The following KMT2A variants were observed in gnomAD, a reference collection of about 807,000 sequenced individuals.
KMT2A encodes histone-lysine N-methyltransferase 2A.
Under a neutral mutation model 345.3 loss-of-function variants are expected in KMT2A, and 16 were observed. That is an observed-to-expected ratio of 0.05 (90% CI 0.03 to 0.07). KMT2A has a LOEUF of 0.07. Ranked by LOEUF, KMT2A falls within the 10% of genes least tolerant of loss-of-function variation. The pLI is 1.00. For synonymous variants in KMT2A, 1,599 were observed against 1,778.6 expected (o/e 0.90, Z 2.54); for missense variants, 3,272 against 4,841.6 (o/e 0.68, Z 9.62).
intron 1 of KMT2A, among the ~76,000 whole-genome samples, chr11:118,451,602 T>G (rs888004065): frequency 1.3e-4 from 20 of 151,994 alleles, no homozygotes; most frequent in South Asian, 1.2e-3. Flanking sequence ...TTAGCCAGGC[T>G]GGTCTCGAAC....
intron 3 of KMT2A, 110 bp downstream of exon 3, chr11:118,474,425 G>GTATGGTGGAGGCAGTA (rs1483549409): frequency 7.5e-7 from 1 of 1,338,604 alleles, no homozygotes; most frequent in Non-Finnish European, 1.0e-6. Flanking sequence ...ACCAAGAAAA[G>GTATGGTGGAGGCAGTA]TATGGTGGAG....
At chr11:118,447,653 C>A in intron 1 of KMT2A, 1 of 454,072 alleles carries the variant, frequency 2.2e-6, no homozygotes, top group Non-Finnish European at 4.4e-6. Flanking sequence ...GATGAGGAGA[C>A]CTTGGAGACG....
At position 118,474,330 on chromosome 11, in the gene KMT2A, C is replaced by G. The variant is rs548373987; in HGVS notation, c.3156+15C>G. The G allele has an allele frequency of 2.5e-6, 4 of 1,606,910 alleles. No homozygotes were observed. The highest frequency in any genetic ancestry group is 3.4e-6 in the Non-Finnish European group (4 of 1,177,146). ...CCAAAGCACAGGTACTCTTTTCCAC[C>G]TTGCCTATTAAAACTAACAGTTTAT... On this transcript the variant is annotated intron_variant, in intron 3 of 35. Transcript: ENST00000534358.
chr11:118,511,313 C>A (rs184789325), intron 30 of KMT2A, among the ~76,000 whole-genome samples: 4 of 152,062 alleles, frequency 2.6e-5, no homozygotes, highest in Admixed American at 2.0e-4. Flanking sequence ...AGGGGAGAGT[C>A]AAAGATGACC....
chr11:118,526,143 G>A lies in KMT2A; in HGVS notation c.*3971G>A, dbSNP rs1951077946. The A allele has an allele frequency of 2.8e-5, 6 of 217,632 alleles. No individual in the cohort carries two copies. In the South Asian group the frequency reaches 1.1e-3, roughly 40 times the overall value. 13.5% of individuals were successfully genotyped at this position (217,632 alleles called of 1,614,324 possible). A position where few individuals can be genotyped will look rare whatever the true frequency, so the allele number is the denominator to read the frequency against. On this transcript the variant is annotated 3_prime_UTR_variant, in exon 36 of 36. Transcript: ENST00000534358. ...CACTTTCCTCTGATTCCCGAAATGG[G>A]GGGAACCTCTAACCATAAAGGAATG...
chr11:118,499,370 G>C lies in KMT2A; in HGVS notation c.6029G>C (p.Arg2010Thr). 1 of 1,610,908 alleles carries C rather than the reference G, an allele frequency of 6.2e-7. No individual in the cohort carries two copies. Among genetic ancestry groups the C allele is most frequent in the Non-Finnish European group, 8.5e-7 (1 of 1,179,732 alleles). Residue 2010 changes from arginine to threonine, a missense_variant, in exon 23 of 36, where the codon AGA (arginine) becomes ACA (threonine). This residue lies in a region of KMT2A where 235 missense variants were observed against 503.4 expected (regional missense o/e 0.47). Transcript: ENST00000534358. ...GTGGACTTTGAAGGAATCAGCTTGAGAAGGAAGTTTCTCAATGGCTTGGAA... is the reference window on the plus strand; with the variant it reads ...GTGGACTTTGAAGGAATCAGCTTGACAAGGAAGTTTCTCAATGGCTTGGAA... ...VFVDFEGISL[R>T]RKFLNGLEPE...
At chr11:118,437,832 C>T (rs1949227587) in intron 1 of KMT2A, among the ~76,000 whole-genome samples, 1 of 152,138 alleles carries the variant, frequency 6.6e-6, no homozygotes, top group Admixed American at 6.5e-5. Context: ...TAGAGAAGAG[C>T]AGCTTTCCAC....
chr11:118,509,903 G>A (rs1555049607), intron 29 of KMT2A, 45 bp from the exon 30 acceptor site: 3 of 1,430,866 alleles, frequency 2.1e-6, no homozygotes, highest in Non-Finnish European at 2.9e-6. Context: ...TCAGTGCTCA[G>A]TGAGCATTTG....
rs1950517622 is a variant in KMT2A, at chr11:118,502,601, A to G, written c.6709A>G (p.Thr2237Ala). The change falls in exon 27 of 36, where the codon ACT becomes GCT. Residue 2237 changes from threonine (T) to alanine (A), a missense_variant. Around this residue, in one of 27 missense-constraint regions of KMT2A, gnomAD observed 445 missense variants for 500.9 expected, o/e 0.89. Transcript: ENST00000534358. The surrounding 1 kb of genome is among the most constrained non-coding windows in gnomAD (Gnocchi z 4.9). ...VSSVSTTGTA[T>A]DLESSAKVVD... ...CTCAGTCTCCACCACCGGGACCGCTACTGATCTTGAATCAAGTGCCAAAGT... is the reference window on the plus strand; with the variant it reads ...CTCAGTCTCCACCACCGGGACCGCTGCTGATCTTGAATCAAGTGCCAAAGT... The G allele has an allele frequency of 6.2e-7, 1 of 1,614,198 alleles. No individual in the cohort carries two copies. The highest frequency in any genetic ancestry group is 8.5e-7 in the Non-Finnish European group (1 of 1,180,022).
intron 31 of KMT2A, chr11:118,512,530 C>G (rs782596303): frequency 2.0e-5 from 3 of 153,794 alleles, no homozygotes; most frequent in African/African-American, 4.8e-5. Flanking sequence ...TGTTGCTTAT[C>G]CATTCATTAG....
chr11:118,440,299 T>C (rs781805862), intron 1 of KMT2A, among the ~76,000 whole-genome samples: 2 of 152,186 alleles, frequency 1.3e-5, no homozygotes, highest in East Asian at 1.9e-4. Context: ...AATTAGGAAG[T>C]AGAATTGAGG....
chr11:118,489,186 T>C (rs1266758601), intron 11 of KMT2A, among the ~76,000 whole-genome samples: 1 of 134,068 alleles, frequency 7.5e-6, no homozygotes, highest in Non-Finnish European at 1.5e-5. Context: ...CAGCCTGTGG[T>C]GCAGTCTGTC....
Position 118,520,821 on chromosome 11 carries a change from C to T in KMT2A, c.11449C>T (p.Leu3817=). ...TCTTAGGAGGGCAACTAGCATGGAT[C>T]TGCCAATGCCCATGCGCTTCCGGCA... ...KSARRATSMD[L]PMPMRFRHLK... The change falls in exon 34 of 36, where the codon CTG becomes TTG. Residue 3817 remains leucine (L), a synonymous_variant. Transcript: ENST00000534358. This position sits in a 1 kb window ranked among gnomAD's most constrained non-coding sequence, Gnocchi z 4.3. 1 of 1,613,880 alleles carries T rather than the reference C, an allele frequency of 6.2e-7. No homozygotes were observed. Among genetic ancestry groups the T allele is most frequent in the Non-Finnish European group, 8.5e-7 (1 of 1,179,752 alleles).
At chr11:118,464,956 G>T (rs1949815705) in intron 1 of KMT2A, among the ~76,000 whole-genome samples, 1 of 152,220 alleles carries the variant, frequency 6.6e-6, no homozygotes, top group South Asian at 2.1e-4. Context: ...GCCCAGGAAA[G>T]CTTCACCAGA....
chr11:118,508,737 A>AT (rs1441530657), intron 28 of KMT2A, among the ~76,000 whole-genome samples: 1 of 150,018 alleles, frequency 6.7e-6, no homozygotes, highest in Non-Finnish European at 1.5e-5. Context: ...AAAAAAAAAA[A>AT]GGTGAAAATT....
intron 29 of KMT2A, among the ~76,000 whole-genome samples, chr11:118,509,667 G>A (rs1220402062): frequency 1.3e-5 from 2 of 152,078 alleles, no homozygotes; most frequent in Non-Finnish European, 2.9e-5. Context: ...TAACTCTATT[G>A]AGGACAGTTG....
chr11:118,511,992 T>A lies in KMT2A; in HGVS notation c.11113T>A (p.Ser3705Thr), dbSNP rs184820566. The A allele has an allele frequency of 1.4e-5, 23 of 1,614,172 alleles. No homozygotes were observed. In the East Asian group the frequency reaches 4.9e-4, roughly 34 times the overall value. Residue 3705 changes from serine (S) to threonine (T), a missense_variant, in exon 31 of 36, where the codon TCA (serine) becomes ACA (threonine). Physicochemically the swap from Ser to Thr is moderately conservative, Grantham distance 58. This residue lies in a region of KMT2A where 72 missense variants were observed against 135.6 expected (regional missense o/e 0.53). Transcript: ENST00000534358. ...SLTDKVQEAR[S>T]NARLKQLSFA... ...GACAGATAAAGTCCAGGAAGCTCGA[T>A]CAAATGCCCGCCTAAAGCAGCTCTC...
chr11:118,478,046 C>G lies in KMT2A; in HGVS notation c.3414C>G (p.Asn1138Lys). The G allele has an allele frequency of 6.2e-7, 1 of 1,614,100 alleles. No homozygotes were observed. The highest frequency in any genetic ancestry group is 8.5e-7 in the Non-Finnish European group (1 of 1,180,014). ...AACCAATTAAACCTGTCACTAGAAA[C>G]AAGGCACCCCAGGAACCTCCAGTAA... ...PIKPIKPVTR[N>K]KAPQEPPVKK... is the part of the protein sequence containing the mutation. Residue 1138 changes from asparagine to lysine, a missense_variant, in exon 5 of 36, where the codon AAC becomes AAG. By Grantham distance (94) the Asn-to-Lys change is moderately conservative. This residue lies in a region of KMT2A where 33 missense variants were observed against 46.5 expected (regional missense o/e 0.71). Coordinates refer to ENST00000534358, the MANE Select transcript of KMT2A (RefSeq NM_001197104.2).
chr11:118,467,020 A>T (rs893222463), intron 1 of KMT2A, among the ~76,000 whole-genome samples: 3 of 149,738 alleles, frequency 2.0e-5, no homozygotes, highest in East Asian at 1.9e-4. Flanking sequence ...ATATGTAATT[A>T]AAAAAAAAAT....
Sources: allele counts gnomAD v4.1 joint callset (sites outside exome capture counted in the v4.1 genomes callset), GRCh38; gene constraint gnomAD v4.1.1; regional missense constraint gnomAD v4.1.1; non-coding constraint Gnocchi (gnomAD v3.1); transcripts MANE v1.5; gene names NCBI Gene and HGNC (gene_info 2026-07-23, HGNC 2026-07-21).